The following TRAM1 variants were observed in gnomAD, a reference collection of about 807,000 sequenced individuals.
TRAM1 encodes the protein translocating chain-associated membrane protein 1.
TRAM1 carries 17 observed loss-of-function variants against 48.7 expected under a neutral mutation model. That is an observed-to-expected ratio of 0.35 (90% CI 0.24 to 0.52). The LOEUF is 0.52. Among genes scored for constraint, TRAM1 ranks in the 20% least tolerant of loss-of-function variants. The pLI, the probability that TRAM1 is intolerant of heterozygous loss-of-function variation, is 0.94. For missense variants in TRAM1, 351 were observed against 441.5 expected (o/e 0.79, Z 1.84); for synonymous variants, 182 against 154.0 (o/e 1.18, Z -1.34).
At position 70,574,944 on chromosome 8, in the gene TRAM1, CTCT is replaced by C; in HGVS notation, c.1110_1112del (p.Glu371del). On this transcript the variant is annotated inframe_deletion, in exon 11 of 11. Transcript: ENST00000262213. ...AGTTTATAATTCATTATGAAGATTT[CTCT>C]TTTTTATTCCGGGGAGAGTCTGCTA... 1 of 1,606,608 alleles carries C rather than the reference CTCT, an allele frequency of 6.2e-7. No homozygotes were observed. The highest frequency in any genetic ancestry group is 8.5e-7 in the Non-Finnish European group (1 of 1,174,794).
Position 70,583,211 on chromosome 8 carries a change from T to C in TRAM1, c.1004A>G (p.Lys335Arg). ...GCCTTTAGTTACTGTTGGTTTCTTCTTCACAGCTGGTGCCTGAAAAGCAGA... is the reference window on the plus strand; with the variant it reads ...GCCTTTAGTTACTGTTGGTTTCTTCCTCACAGCTGGTGCCTGAAAAGCAGA... ...EHSAFQAPAV[K>R]KKPTVTKGRS... The change falls in exon 10 of 11, where the codon AAG (lysine) becomes AGG (arginine). Residue 335 changes from lysine (K) to arginine (R), a missense_variant. Transcript: ENST00000262213. The C allele has an allele frequency of 1.2e-6, 2 of 1,614,096 alleles. No individual in the cohort carries two copies. Among genetic ancestry groups the C allele is most frequent in the African/African-American group, 1.3e-5 (1 of 75,072 alleles).
chr8:70,583,560 T>A, intron 9 of TRAM1, 90 bp downstream of exon 9: 3 of 1,505,850 alleles, frequency 2.0e-6, no homozygotes, highest in Middle Eastern at 3.8e-4. Context: ...AACCTCATAT[T>A]CATCCTTTTT....
chr8:70,597,408 A>G (rs1162660944), intron 4 of TRAM1, among the ~76,000 whole-genome samples: 12 of 152,180 alleles, frequency 7.9e-5, no homozygotes, highest in African/African-American at 2.9e-4. Flanking sequence ...TTGGTGGCTC[A>G]AGCCTGTAAT....
chr8:70,586,885 A>C lies in TRAM1; in HGVS notation c.746+10T>G. The C allele has an allele frequency of 6.2e-7, 1 of 1,610,892 alleles. No individual in the cohort carries two copies. Among genetic ancestry groups the C allele is most frequent in the Non-Finnish European group, 8.5e-7 (1 of 1,177,314 alleles). ...TAGTACACGAGAAATAGAATGGCTA[A>C]ACAACTTACCCTTTCTGATACTTTT... On this transcript the variant is annotated intron_variant, in intron 8 of 10. Transcript: ENST00000262213.
chr8:70,587,063 T>C (rs755580030), intron 7 of TRAM1, 43 bp downstream of exon 7: 1 of 1,611,134 alleles, frequency 6.2e-7, no homozygotes, highest in Admixed American at 1.7e-5. Flanking sequence ...CAGCATACTA[T>C]CTGCCCAGCC....
chr8:70,575,581 C>T (rs542755650), intron 10 of TRAM1, among the ~76,000 whole-genome samples: 174 of 152,150 alleles, frequency 1.1e-3, no homozygotes, highest in Non-Finnish European at 2.2e-3. Context: ...TGCCACCACA[C>T]CTGGCTAATA....
chr8:70,596,388 C>A, intron 4 of TRAM1, 67 bp from the exon 5 acceptor site: 1 of 1,204,872 alleles, frequency 8.3e-7, no homozygotes, highest in Non-Finnish European at 1.2e-6. Flanking sequence ...TAAGGCATTA[C>A]TTTCATTTCT....
At position 70,587,164 on chromosome 8, in the gene TRAM1, G is replaced by A. The variant is rs776268436; in HGVS notation, c.583C>T (p.Arg195Cys). ...TAAAGACCAATGTAGACAAGCTGAC[G>A]AGGAATATCTTCCTGTAAAAAAATA... ...FQKTKKEDIP[R>C]QLVYIGLYLF... is the part of the protein sequence containing the mutation. Residue 195 changes from arginine (R) to cysteine (C), a missense_variant, in exon 7 of 11, where the codon CGT becomes TGT. Arg to Cys is a radical substitution (Grantham distance 180). Coordinates refer to ENST00000262213, the MANE Select transcript of TRAM1 (RefSeq NM_014294.6). 9 of 1,613,480 alleles carry A rather than the reference G, an allele frequency of 5.6e-6. No individual in the cohort carries two copies. Among genetic ancestry groups the A allele is most frequent in the Admixed American group, 5.0e-5 (3 of 59,894 alleles).
chr8:70,577,937 G>C (rs897544907), intron 10 of TRAM1, among the ~76,000 whole-genome samples: 1 of 152,220 alleles, frequency 6.6e-6, no homozygotes, highest in Non-Finnish European at 1.5e-5. Context: ...CTGGTGCCTA[G>C]AGCTGCCTGC....
intron 1 of TRAM1, chr8:70,607,606 CGGGCCTCGGCCTTCCCCGGCCCTCGCG>C: frequency 1.9e-6 from 1 of 534,632 alleles, no homozygotes; most frequent in East Asian, 1.5e-4. Flanking sequence ...ACCCGGGGGC[CGGGCCTCGGCCTTCCCCGGCCCTCGCG>C]GGGCTGACGC....
intron 6 of TRAM1, 44 bp from the exon 7 acceptor site, chr8:70,587,220 C>A: frequency 6.3e-7 from 1 of 1,585,758 alleles, no homozygotes; most frequent in South Asian, 1.1e-5. Context: ...TAAAACATTT[C>A]CTTTCCCTTT....
At chr8:70,597,837 G>A (rs1306003496) in intron 4 of TRAM1, 58 bp downstream of exon 4, 16 of 1,289,948 alleles carry the variant, frequency 1.2e-5, no homozygotes, top group Non-Finnish European at 1.5e-5. Flanking sequence ...TATTTCATTA[G>A]CAGAGTTTCT....
chr8:70,603,303 T>TATAC lies in TRAM1; in HGVS notation c.124-3222_124-3221insGTAT, dbSNP rs1041808375. ...ATATACACACTATATATATGTTTTA[T>TATAC]ACACACACACACACACACACACACA... On this transcript the variant is annotated intron_variant, in intron 1 of 10. Transcript: ENST00000262213. 7.1e-3 allele frequency among the ~76,000 whole-genome samples: 1,059 copies of TATAC among 150,060 alleles called. 7 individuals are homozygous for TATAC. Among genetic ancestry groups the TATAC allele is most frequent in the Non-Finnish European group, 8.9e-3 (603 of 67,562 alleles).
At position 70,586,507 on chromosome 8, in the gene TRAM1, C is replaced by T. The variant is rs996237751; in HGVS notation, c.746+388G>A. Reference sequence around the variant, plus strand: ...CTTTACAAGTTACACCTCTCCAATTCTGTTTTCAGTTCAATTTCACCATCA... The same window carrying T: ...CTTTACAAGTTACACCTCTCCAATTTTGTTTTCAGTTCAATTTCACCATCA... On this transcript the variant is annotated intron_variant, in intron 8 of 10. Coordinates refer to ENST00000262213, the MANE Select transcript of TRAM1 (RefSeq NM_014294.6). 3.3e-5 allele frequency among the ~76,000 whole-genome samples: 5 copies of T among 152,212 alleles called. No homozygotes were observed. The East Asian group carries it at 9.7e-4, about 29-fold the overall frequency.
chr8:70,601,046 G>A (rs1481429937), intron 1 of TRAM1, among the ~76,000 whole-genome samples: 4 of 152,138 alleles, frequency 2.6e-5, no homozygotes, highest in African/African-American at 4.8e-5. Flanking sequence ...TTTCACTTTC[G>A]CACAAGTGGA....
rs192074648 is a variant in TRAM1 at position 70,584,505 on chromosome 8, C to T, written c.747-712G>A. On this transcript the variant is annotated intron_variant, in intron 8 of 10. Transcript: ENST00000262213. ...TGGAAGTCTAATTGTCCCTGTTTGC[C>T]GATGACATGATTGTATAACTAGAAA... Among the ~76,000 whole-genome samples, 7 of 152,182 alleles carry T rather than the reference C, an allele frequency of 4.6e-5. No homozygotes were observed. In the East Asian group the frequency reaches 9.7e-4, roughly 21 times the overall value.
In TRAM1 at chr8:70,573,637, A is replaced by C. The variant is rs1014288720; in HGVS notation, c.*1295T>G. The C allele has an allele frequency of 5.8e-4, 89 of 152,620 alleles. No homozygotes were observed. Among genetic ancestry groups the C allele is most frequent in the African/African-American group, 2.0e-3 (83 of 41,444 alleles). The allele number at this position is 152,620 out of a possible 1,614,324, so 9.5% of individuals were successfully genotyped here. Reference sequence around the variant, plus strand: ...AGCAGCATGGCAACTTAAACTGCAGATCTAATAGGTCTGCAACTTTTACAC... The same window carrying C: ...AGCAGCATGGCAACTTAAACTGCAGCTCTAATAGGTCTGCAACTTTTACAC... On this transcript the variant is annotated 3_prime_UTR_variant, in exon 11 of 11. Coordinates refer to ENST00000262213, the MANE Select transcript of TRAM1 (RefSeq NM_014294.6).
chr8:70,603,616 C>A (rs1435033534), intron 1 of TRAM1, among the ~76,000 whole-genome samples: 2 of 152,182 alleles, frequency 1.3e-5, no homozygotes, highest in Admixed American at 1.3e-4. Flanking sequence ...ACTCAGGATG[C>A]TGAGGCAGGA....
intron 8 of TRAM1, among the ~76,000 whole-genome samples, chr8:70,585,664 T>A (rs1276536126): frequency 1.4e-5 from 2 of 138,776 alleles, no homozygotes; most frequent in South Asian, 2.5e-4. Flanking sequence ...AAAAAACACA[T>A]GAAAAAATGC....
Sources: gnomAD v4.1 joint callset for allele counts (sites outside exome capture counted in the v4.1 genomes callset) on GRCh38, gnomAD v4.1.1 for gene constraint, MANE v1.5 for transcripts, NCBI Gene and HGNC (gene_info 2026-07-23, HGNC 2026-07-21) for gene names.